TOGARAM2: variants seen among roughly 807,000 people sequenced by gnomAD.
TOGARAM2 encodes TOG array regulator of axonemal microtubules protein 2.
Under a neutral mutation model 93.3 loss-of-function variants are expected in TOGARAM2, and 85 were observed. The ratio of observed to expected loss-of-function variants is 0.91; its 90% CI spans 0.76 to 1.09. TOGARAM2 has a LOEUF of 1.09. TOGARAM2 is among the 50% of genes least tolerant of loss of function. TOGARAM2 has a pLI of 0.00. For missense variants in TOGARAM2, 1,277 were observed against 1,334.5 expected (o/e 0.96, Z 0.67); for synonymous variants, 593 against 552.8 (o/e 1.07, Z -1.02).
rs1206510096 is a variant in TOGARAM2, at chr2:29,002,450, G to A, written c.428-86G>A. On this transcript the variant is annotated intron_variant, in intron 4 of 19. Transcript: ENST00000379558. ...CGCCATCCCAGTCCTTCCCAGGGCAGAAGGCCCCGTTGCTGGGGTCTGAAT... is the reference window on the plus strand; with the variant it reads ...CGCCATCCCAGTCCTTCCCAGGGCAAAAGGCCCCGTTGCTGGGGTCTGAAT... 9 of 1,216,992 alleles carry A rather than the reference G, an allele frequency of 7.4e-6. No homozygotes were observed. The East Asian group carries it at 2.3e-4, about 31-fold the overall frequency. The allele number at this position is 1,216,992 out of a possible 1,614,324, so 75.4% of individuals were successfully genotyped here.
At chr2:29,040,213 G>T (rs1666347957) in intron 18 of TOGARAM2, among the ~76,000 whole-genome samples, 1 of 152,030 alleles carries the variant, frequency 6.6e-6, no homozygotes, top group African/African-American at 2.4e-5. Context: ...ATATAGTTTT[G>T]ATTTTGCTTC....
upstream of TOGARAM2, among the ~76,000 whole-genome samples, chr2:28,977,109 G>C (rs1206796294): frequency 6.6e-6 from 1 of 152,216 alleles, no homozygotes; most frequent in Non-Finnish European, 1.5e-5. Context: ...GGGCTCTAAG[G>C]GACCAGGAGG....
chr2:29,009,981 G>C (rs1296146736), intron 6 of TOGARAM2, among the ~76,000 whole-genome samples: 2 of 151,928 alleles, frequency 1.3e-5, no homozygotes, highest in East Asian at 3.9e-4. Context: ...CACAGCTTAA[G>C]AGAAGCTGCG....
At chr2:28,994,917 C>T (rs1181988924) in intron 2 of TOGARAM2, 55 bp downstream of exon 2, 1 of 1,544,836 alleles carries the variant, frequency 6.5e-7, no homozygotes, top group East Asian at 2.4e-5. Context: ...AGGGGACCTG[C>T]CTCGGACACT....
intron 1 of TOGARAM2, among the ~76,000 whole-genome samples, chr2:28,971,386 A>AT (rs953919186): frequency 1.2e-4 from 18 of 151,794 alleles, no homozygotes; most frequent in African/African-American, 3.9e-4. Flanking sequence ...TAATTTTTAG[A>AT]TTTTTTGTAG....
intron 19 of TOGARAM2, chr2:29,047,572 T>A (rs938443933): frequency 2.0e-5 from 3 of 152,222 alleles, no homozygotes; most frequent in South Asian, 2.1e-4. Context: ...TTGAGTTTAA[T>A]GGGGCTTGCT....
rs773851075 is a variant in TOGARAM2, at chr2:29,036,594, G to C, written c.2472G>C (p.Gln824His). 8 of 1,613,906 alleles carry C rather than the reference G, an allele frequency of 5.0e-6. No homozygotes were observed. The Admixed American group carries it at 1.2e-4, about 24-fold the overall frequency. Residue 824 changes from glutamine to histidine, a missense_variant, in exon 18 of 20, where the codon CAG becomes CAC. Coordinates refer to ENST00000379558, the MANE Select transcript of TOGARAM2 (RefSeq NM_199280.4). The part of the protein sequence containing the change: ...RLQDSNKKVN[Q>H]WALESFAKMI... ...AGGATTCCAACAAGAAAGTGAACCA[G>C]TGGGCGCTGGAGTCCTTCGCCAAGA... is the stretch of plus-strand genomic sequence containing the variant.
At chr2:29,004,126 G>A (rs1028082467) in intron 6 of TOGARAM2, among the ~76,000 whole-genome samples, 1 of 152,152 alleles carries the variant, frequency 6.6e-6, no homozygotes. Context: ...GGGATTACAG[G>A]CACCCACCAC....
chr2:28,960,251 C>T (rs1377295752), intron 1 of TOGARAM2, among the ~76,000 whole-genome samples: 1 of 152,216 alleles, frequency 6.6e-6, no homozygotes, highest in Non-Finnish European at 1.5e-5. Flanking sequence ...TTATTCTTAA[C>T]TACTTCAGGG....
At chr2:28,987,059 A>ACTTAGTAGCT (rs1672500437) in intron 1 of TOGARAM2, among the ~76,000 whole-genome samples, 1 of 152,202 alleles carries the variant, frequency 6.6e-6, no homozygotes, top group Non-Finnish European at 1.5e-5. Context: ...CGACTCTTCT[A>ACTTAGTAGCT]CTTAGTAGCT....
intron 1 of TOGARAM2, among the ~76,000 whole-genome samples, chr2:28,957,370 G>A (rs1281008445): frequency 1.3e-5 from 2 of 152,102 alleles, no homozygotes; most frequent in African/African-American, 2.4e-5. Context: ...TAGTAGAGAC[G>A]GGGTTTCGCC....
At chr2:28,983,192 ATATATATTTTTTTTTTTTTTTT>A (rs1301657101) in intron 1 of TOGARAM2, among the ~76,000 whole-genome samples, 3 of 48,914 alleles carry the variant, frequency 6.1e-5, no homozygotes, top group African/African-American at 1.2e-4. Context: ...ATATATATAT[ATATATATTTTTTTTTTTTTTTT>A]TTTTTTTTTT....
intron 12 of TOGARAM2, 47 bp downstream of exon 12, chr2:29,023,238 T>G: frequency 6.9e-7 from 1 of 1,440,926 alleles, no homozygotes; most frequent in Non-Finnish European, 9.5e-7. Context: ...CCACTGCAGC[T>G]GCTGGATGCA....
At chr2:28,983,783 T>C (rs1032001005) in intron 1 of TOGARAM2, among the ~76,000 whole-genome samples, 4 of 152,194 alleles carry the variant, frequency 2.6e-5, no homozygotes, top group Non-Finnish European at 4.4e-5. Flanking sequence ...CCAGCTGTCA[T>C]GAGTGCTCCC....
chr2:28,985,273 G>A (rs1558402060), intron 1 of TOGARAM2, among the ~76,000 whole-genome samples: 1 of 152,126 alleles, frequency 6.6e-6, no homozygotes, highest in Non-Finnish European at 1.5e-5. Context: ...CTCACCAGGA[G>A]TGGAATCAGC....
At chr2:28,958,952 C>T (rs1248444601) in intron 1 of TOGARAM2, among the ~76,000 whole-genome samples, 1 of 152,262 alleles carries the variant, frequency 6.6e-6, no homozygotes, top group East Asian at 1.9e-4. Flanking sequence ...AGAGAATCTC[C>T]AAAGTGCTTG....
intron 2 of TOGARAM2, among the ~76,000 whole-genome samples, chr2:28,997,783 G>A (rs1558412192): frequency 6.6e-6 from 1 of 152,220 alleles, no homozygotes; most frequent in African/African-American, 2.4e-5. Context: ...GGTGGACAGA[G>A]GTTGGGGATG....
At chr2:29,048,337 C>G (rs1051561903) in intron 19 of TOGARAM2, 1 of 152,138 alleles carries the variant, frequency 6.6e-6, no homozygotes, top group Non-Finnish European at 1.5e-5. Context: ...CTATATCACC[C>G]CCCATTAAAA....
chr2:28,972,994 T>A (rs1671970537), intron 1 of TOGARAM2, among the ~76,000 whole-genome samples: 1 of 152,234 alleles, frequency 6.6e-6, no homozygotes, highest in Non-Finnish European at 1.5e-5. Flanking sequence ...CCCTCGTGGC[T>A]GGTTATCCAA....
Sources: allele counts gnomAD v4.1 joint callset (sites outside exome capture counted in the v4.1 genomes callset), GRCh38; gene constraint gnomAD v4.1.1; transcripts MANE v1.5; gene names NCBI Gene and HGNC (gene_info 2026-07-23, HGNC 2026-07-21).